Variants in CYSLTR2 observed in about 807,000 individuals in gnomAD.
The protein encoded by CYSLTR2 is G-protein coupled receptor GPCR21.
For synonymous variants in CYSLTR2, 179 were observed against 160.8 expected (o/e 1.11, Z -0.86); for missense variants, 398 against 411.9 (o/e 0.97, Z 0.29).
chr13:48,692,077 T>A (rs1033291778), intron 2 of CYSLTR2, among the ~76,000 whole-genome samples: 2 of 152,068 alleles, frequency 1.3e-5, no homozygotes, highest in Non-Finnish European at 2.9e-5. Context: ...AGCTTGATTA[T>A]TCTGAATTTG....
At chr13:48,672,458 C>T (rs1444318757) in intron 1 of CYSLTR2, among the ~76,000 whole-genome samples, 3 of 152,016 alleles carry the variant, frequency 2.0e-5, no homozygotes, top group Non-Finnish European at 2.9e-5. Flanking sequence ...AACTGTGTCC[C>T]AGAGGTTCTG....
At chr13:48,660,038 T>G (rs552103045) in intron 1 of CYSLTR2, among the ~76,000 whole-genome samples, 1 of 152,296 alleles carries the variant, frequency 6.6e-6, no homozygotes, top group Admixed American at 6.5e-5. Context: ...GCTCTTCATA[T>G]ATGATGTTTT....
intron 1 of CYSLTR2, among the ~76,000 whole-genome samples, chr13:48,678,581 A>G (rs1052959957): frequency 5.9e-5 from 9 of 152,070 alleles, no homozygotes; most frequent in Admixed American, 4.6e-4. Flanking sequence ...TACATTTATC[A>G]GGTTCACCTA....
chr13:48,658,081 G>A (rs570574613), intron 1 of CYSLTR2, among the ~76,000 whole-genome samples: 1 of 152,074 alleles, frequency 6.6e-6, no homozygotes, highest in African/African-American at 2.4e-5. Context: ...AGATATGAAG[G>A]TGACTCCCTT....
intron 4 of CYSLTR2, among the ~76,000 whole-genome samples, chr13:48,698,484 C>T (rs1189737033): frequency 6.6e-6 from 1 of 152,154 alleles, no homozygotes; most frequent in Non-Finnish European, 1.5e-5. Context: ...GAGATTTTGT[C>T]ACCACCAAGC....
chr13:48,706,923 T>C lies in CYSLTR2; in HGVS notation c.106T>C (p.Phe36Leu). 1 of 1,614,194 alleles carries C rather than the reference T, an allele frequency of 6.2e-7. No homozygotes were observed. The highest frequency in any genetic ancestry group is 8.5e-7 in the Non-Finnish European group (1 of 1,180,026). The stretch of plus-strand genomic sequence containing the variant: ...CAGCAGGAACTGCACAATTGAAAAC[T>C]TCAAGAGAGAATTTTTCCCAATTGT... ...NNSRNCTIEN[F>L]KREFFPIVYL... The change falls in exon 5 of 5, where the codon TTC (phenylalanine) becomes CTC (leucine). Residue 36 changes from phenylalanine to leucine, a missense_variant. By Grantham distance (22) the Phe-to-Leu change is conservative (BLOSUM62 0). Coordinates refer to ENST00000682523, the MANE Select transcript of CYSLTR2 (RefSeq NM_001308476.3).
intron 1 of CYSLTR2, among the ~76,000 whole-genome samples, chr13:48,670,400 T>A (rs1000798774): frequency 2.0e-5 from 3 of 152,230 alleles, no homozygotes; most frequent in African/African-American, 7.2e-5. Context: ...TTAGGGTTTT[T>A]ATGGTTTTAG....
rs966806522 is a variant in CYSLTR2, at chr13:48,693,424, C to G, written c.-175-14C>G. The G allele has an allele frequency of 1.3e-5, 2 of 151,786 alleles. No individual in the cohort carries two copies. Among genetic ancestry groups the G allele is most frequent in the African/African-American group, 4.8e-5 (2 of 41,330 alleles). 9.4% of individuals were successfully genotyped at this position (151,786 alleles called of 1,614,324 possible). ...GAAACACAGTTTAATAACATTTTTTCCCCTTTTTTTCAGACATTTTGACTA... is the reference window on the plus strand; with the variant it reads ...GAAACACAGTTTAATAACATTTTTTGCCCTTTTTTTCAGACATTTTGACTA... On this transcript the variant is annotated splice_polypyrimidine_tract_variant and intron_variant, in intron 2 of 4. Transcript: ENST00000682523.
chr13:48,681,196 C>T (rs1296386686), intron 1 of CYSLTR2, among the ~76,000 whole-genome samples: 2 of 152,064 alleles, frequency 1.3e-5, no homozygotes. Flanking sequence ...ACCCCAACCT[C>T]AAGCAGAGGA....
At chr13:48,693,087 A>G (rs1220049882) in intron 2 of CYSLTR2, among the ~76,000 whole-genome samples, 1 of 151,690 alleles carries the variant, frequency 6.6e-6, no homozygotes, top group Non-Finnish European at 1.5e-5. Context: ...TATTATTATC[A>G]TTCACTTTAG....
chr13:48,686,278 A>G (rs1278336449), intron 1 of CYSLTR2, among the ~76,000 whole-genome samples: 1 of 152,174 alleles, frequency 6.6e-6, no homozygotes, highest in African/African-American at 2.4e-5. Flanking sequence ...AGATCATTAT[A>G]TGGATTCTCA....
In CYSLTR2 at chr13:48,700,026, A is replaced by G. The variant is rs181491840; in HGVS notation, c.-2+3400A>G. 1.3e-3 allele frequency among the ~76,000 whole-genome samples: 192 copies of G among 152,352 alleles called. No individual in the cohort carries two copies. The Middle Eastern group carries it at 0.014, about 11-fold the overall frequency. ...AGGTTCTGAAATTGAGGGAATAATTAATATCCTACCAACCAAAAAAAGTCC... is the reference window on the plus strand; with the variant it reads ...AGGTTCTGAAATTGAGGGAATAATTGATATCCTACCAACCAAAAAAAGTCC... On this transcript the variant is annotated intron_variant, in intron 4 of 4. Coordinates refer to ENST00000682523, the MANE Select transcript of CYSLTR2 (RefSeq NM_001308476.3).
At chr13:48,671,542 T>A (rs1389263625) in intron 1 of CYSLTR2, among the ~76,000 whole-genome samples, 2 of 152,180 alleles carry the variant, frequency 1.3e-5, no homozygotes, top group Admixed American at 1.3e-4. Context: ...ATTCATGTGG[T>A]TTTTGTCATT....
At chr13:48,696,303 G>T (rs1954185514) in intron 3 of CYSLTR2, among the ~76,000 whole-genome samples, 1 of 152,108 alleles carries the variant, frequency 6.6e-6, no homozygotes, top group South Asian at 2.1e-4. Flanking sequence ...AAATAACCCT[G>T]TTTTGATAAG....
At position 48,710,714 on chromosome 13, in the gene CYSLTR2, G is replaced by A. The variant is rs1450730756; in HGVS notation, c.*2856G>A. The A allele has an allele frequency of 1.3e-5, 2 of 152,206 alleles. No individual in the cohort carries two copies. The highest frequency in any genetic ancestry group is 2.4e-5 in the African/African-American group (1 of 41,454). 9.4% of individuals were successfully genotyped at this position (152,206 alleles called of 1,614,324 possible). The stretch of plus-strand genomic sequence containing the variant: ...AATTATTTATTACACCCCACGGTGT[G>A]TGATAAACACTTAGTTAAGATGAAA... On this transcript the variant is annotated 3_prime_UTR_variant, in exon 5 of 5. Transcript: ENST00000682523.
intron 4 of CYSLTR2, among the ~76,000 whole-genome samples, chr13:48,705,624 GATATAC>G (rs1274207306): frequency 6.8e-6 from 1 of 147,968 alleles, no homozygotes; most frequent in African/African-American, 2.5e-5. Flanking sequence ...TGTATATAAA[GATATAC>G]ATATATATAT....
chr13:48,704,296 G>A (rs757004520), intron 4 of CYSLTR2, among the ~76,000 whole-genome samples: 1 of 152,124 alleles, frequency 6.6e-6, no homozygotes, highest in South Asian at 2.1e-4. Flanking sequence ...GCCAAGGTGG[G>A]AGGATCACTT....
intron 3 of CYSLTR2, among the ~76,000 whole-genome samples, chr13:48,694,121 C>A (rs1954105216): frequency 6.6e-6 from 1 of 152,136 alleles, no homozygotes; most frequent in Admixed American, 6.5e-5. Flanking sequence ...ATTCTCCGAT[C>A]TTGAGTCTCC....
chr13:48,693,072 G>T (rs150715027), intron 2 of CYSLTR2, among the ~76,000 whole-genome samples: 1 of 151,236 alleles, frequency 6.6e-6, no homozygotes, highest in Non-Finnish European at 1.5e-5. Context: ...AATTATAAAG[G>T]CATTTATTAT....
Sources: gnomAD v4.1 joint callset for allele counts (sites outside exome capture counted in the v4.1 genomes callset) on GRCh38, gnomAD v4.1.1 for gene constraint, MANE v1.5 for transcripts, NCBI Gene and HGNC (gene_info 2026-07-23, HGNC 2026-07-21) for gene names.